PRELID2: variants seen among roughly 807,000 people sequenced by gnomAD.
PRELID2 encodes PRELI domain containing 2, also known as PRELI domain-containing protein 2.
In PRELID2, 25 loss-of-function variants were observed where a neutral mutation model predicts 28.4. That is an observed-to-expected ratio of 0.88 (90% confidence interval 0.64 to 1.23). The LOEUF is 1.23. Ranked by LOEUF, PRELID2 falls within the 50% of genes most tolerant of loss-of-function variation. PRELID2 has a pLI of 0.00. For synonymous variants in PRELID2, 76 were observed against 71.6 expected (o/e 1.06, Z -0.31); for missense variants, 201 against 214.4 (o/e 0.94, Z 0.39).
At chr5:145,286,395 T>G in the PRELID2 span, among the ~76,000 whole-genome samples, 1 of 152,144 alleles carries the variant, frequency 6.6e-6, no homozygotes, top group Non-Finnish European at 1.5e-5. Context: ...TACTGAGAAC[T>G]TTACATGTTA....
At chr5:145,346,629 T>C in the PRELID2 span, among the ~76,000 whole-genome samples, 6 of 152,158 alleles carry the variant, frequency 3.9e-5, no homozygotes, top group Non-Finnish European at 7.4e-5. Context: ...GAAACCTGGA[T>C]CTTTTCCTAG....
chr5:145,272,213 A>G, the PRELID2 span, among the ~76,000 whole-genome samples: 1 of 152,170 alleles, frequency 6.6e-6, no homozygotes. Flanking sequence ...ATTAAATTTG[A>G]TTATACTGAG....
At chr5:145,395,914 A>G in the PRELID2 span, among the ~76,000 whole-genome samples, 1 of 152,156 alleles carries the variant, frequency 6.6e-6, no homozygotes, top group African/African-American at 2.4e-5. Context: ...TTCAATGACT[A>G]GCTTATCAAT....
At chr5:145,706,776 G>T (rs1455312825) in intron 1 of PRELID2, among the ~76,000 whole-genome samples, 1 of 152,136 alleles carries the variant, frequency 6.6e-6, no homozygotes, top group African/African-American at 2.4e-5. Flanking sequence ...AAGTCTTCAT[G>T]TTACCTATGA....
At chr5:145,416,718 C>T in the PRELID2 span, among the ~76,000 whole-genome samples, 1 of 151,960 alleles carries the variant, frequency 6.6e-6, no homozygotes, top group Non-Finnish European at 1.5e-5. Context: ...AGTTAACAAC[C>T]TAACATCACA....
chr5:145,637,873 C>T (rs957521111), intron 1 of PRELID2, among the ~76,000 whole-genome samples: 8 of 149,908 alleles, frequency 5.3e-5, no homozygotes, highest in Admixed American at 2.7e-4. Context: ...TGCAATGGCA[C>T]GATCTCGGCT....
At chr5:145,720,245 G>C (rs1037815334) in intron 1 of PRELID2, among the ~76,000 whole-genome samples, 1 of 151,424 alleles carries the variant, frequency 6.6e-6, no homozygotes, top group Non-Finnish European at 1.5e-5. Context: ...CATACTAAAT[G>C]GGCCCACCAG....
chr5:145,394,060 A>G, the PRELID2 span, among the ~76,000 whole-genome samples: 9 of 152,134 alleles, frequency 5.9e-5, no homozygotes, highest in Admixed American at 4.6e-4. Flanking sequence ...ATACCATTTG[A>G]CCCAGCCATC....
intron 1 of PRELID2, among the ~76,000 whole-genome samples, chr5:145,515,392 A>T (rs186072327): frequency 2.7e-4 from 41 of 152,264 alleles, no homozygotes; most frequent in Admixed American, 9.8e-4. Context: ...TAAACTAGAA[A>T]ATCTAGAAGA....
the PRELID2 span, among the ~76,000 whole-genome samples, chr5:145,364,947 G>A: frequency 6.6e-6 from 1 of 151,994 alleles, no homozygotes; most frequent in Non-Finnish European, 1.5e-5. Context: ...GAAATTTAAT[G>A]TAAAAGTGCT....
At chr5:145,232,971 A>ATG in the PRELID2 span, among the ~76,000 whole-genome samples, 2 of 149,504 alleles carry the variant, frequency 1.3e-5, no homozygotes, top group Non-Finnish European at 1.5e-5. Flanking sequence ...GTATGTATGT[A>ATG]TATATATATA....
the PRELID2 span, among the ~76,000 whole-genome samples, chr5:145,314,086 T>C: frequency 6.6e-6 from 1 of 152,190 alleles, no homozygotes; most frequent in East Asian, 1.9e-4. Context: ...TATCACTTTA[T>C]AGTCAGGGAA....
At chr5:145,486,452 A>G (rs187835463) in intron 1 of PRELID2, among the ~76,000 whole-genome samples, 5 of 152,304 alleles carry the variant, frequency 3.3e-5, no homozygotes, top group Admixed American at 6.5e-5. Flanking sequence ...AATGTAAAAT[A>G]AAATTCATGC....
the PRELID2 span, chr5:145,429,768 C>T: frequency 6.6e-6 from 1 of 152,224 alleles, no homozygotes; most frequent in Non-Finnish European, 1.5e-5. Context: ...GGTGTTATGA[C>T]TTGCTTTGAC....
chr5:145,340,585 T>A, the PRELID2 span, among the ~76,000 whole-genome samples: 1 of 151,882 alleles, frequency 6.6e-6, no homozygotes, highest in African/African-American at 2.4e-5. Context: ...CTGAACAACA[T>A]TGTGAAACCC....
chr5:145,611,172 A>G (rs116032196), intron 1 of PRELID2, among the ~76,000 whole-genome samples: 1,930 of 149,192 alleles, frequency 0.013, 40 homozygotes, highest in African/African-American at 0.046. Flanking sequence ...AGCAAGGTCA[A>G]TTTTTTTTTT....
intron 1 of PRELID2, among the ~76,000 whole-genome samples, chr5:145,531,224 G>A (rs1003819604): frequency 6.6e-6 from 1 of 152,048 alleles, no homozygotes; most frequent in South Asian, 2.1e-4. Context: ...TGAGGAAGTG[G>A]GGGAAGGACA....
At chr5:145,787,162 A>G (rs1752048350) in intron 5 of PRELID2, among the ~76,000 whole-genome samples, 1 of 152,212 alleles carries the variant, frequency 6.6e-6, no homozygotes, top group South Asian at 2.1e-4. Flanking sequence ...AAAACAAAAC[A>G]AAAAACACGT....
chr5:145,834,897 A>C (rs1396611616), intron 1 of PRELID2: 1 of 371,838 alleles, frequency 2.7e-6, no homozygotes, highest in Admixed American at 4.3e-5. Flanking sequence ...CTGCAACTCC[A>C]CGGAGCTCAC....
Sources: gnomAD v4.1 joint callset for allele counts (sites outside exome capture counted in the v4.1 genomes callset) on GRCh38, gnomAD v4.1.1 for gene constraint, MANE v1.5 for transcripts, NCBI Gene and HGNC (gene_info 2026-07-23, HGNC 2026-07-21) for gene names.